PHACTR2: variants seen among roughly 807,000 people sequenced by gnomAD.
The protein encoded by PHACTR2 is phosphatase and actin regulator 2.
Under a neutral mutation model 76.0 loss-of-function variants are expected in PHACTR2, and 30 were observed. The observed-to-expected ratio is 0.39, with a 90% CI of 0.30 to 0.54. The LOEUF is 0.54. Among genes scored for constraint, PHACTR2 ranks in the 20% least tolerant of loss-of-function variants. PHACTR2 has a pLI of 0.61. For missense variants in PHACTR2, 696 were observed against 781.1 expected (o/e 0.89, Z 1.30); for synonymous variants, 292 against 292.5 (o/e 1.00, Z 0.02).
At chr6:143,606,786 A>T (rs532231134), upstream of PHACTR2, among the ~76,000 whole-genome samples, 43 of 152,276 alleles carry the variant, frequency 2.8e-4, 3 homozygotes, top group South Asian at 8.9e-3. Flanking sequence ...CAAATTTTTT[A>T]AAAATATATA....
chr6:143,827,184 ATATATATATATAT>A lies in PHACTR2; in HGVS notation c.*3496_*3508del, dbSNP rs1464561807. ...TATATATATATATATATATATATAT[ATATATATATATAT>A]ATGTATATTATATATACAGTAGCTT... On this transcript the variant is annotated 3_prime_UTR_variant, in exon 13 of 13. Transcript: ENST00000440869. 7.8e-6 allele frequency: 1 copy of A among 128,826 alleles called. No homozygotes were observed. The highest frequency in any genetic ancestry group is 1.6e-5 in the Non-Finnish European group (1 of 61,102). 8.0% of individuals were successfully genotyped at this position (128,826 alleles called of 1,614,324 possible). A position where few individuals can be genotyped will look rare whatever the true frequency, so the allele number is the denominator to read the frequency against.
At chr6:143,702,728 G>C (rs1017205734) in intron 1 of PHACTR2, among the ~76,000 whole-genome samples, 5 of 143,562 alleles carry the variant, frequency 3.5e-5, no homozygotes, top group African/African-American at 1.0e-4. Context: ...ACATTGCTCA[G>C]AACTACTGAG....
At position 143,548,562 on chromosome 6, in the gene PHACTR2, T is replaced by TAGCC. The variant is rs1194010253; in HGVS notation, c.217+11357_217+11360dup. Reference sequence around the variant, plus strand: ...ATTCCACACACCAGCCTGGGCCAGGTAGCCATTCCTGACACCAGCTATATC... The same window carrying TAGCC: ...ATTCCACACACCAGCCTGGGCCAGGTAGCCAGCCATTCCTGACACCAGCTATATC... On this transcript the variant is annotated intron_variant, in intron 1 of 11. Transcript: ENST00000367584. This position sits in a 1 kb window ranked among gnomAD's most constrained non-coding sequence, Gnocchi z 4.5. Among the ~76,000 whole-genome samples, 2 of 152,020 alleles carry TAGCC rather than the reference T, an allele frequency of 1.3e-5. No homozygotes were observed. Among genetic ancestry groups the TAGCC allele is most frequent in the African/African-American group, 4.8e-5 (2 of 41,402 alleles).
chr6:143,769,896 G>T (rs1022715205), intron 6 of PHACTR2, among the ~76,000 whole-genome samples: 1 of 152,122 alleles, frequency 6.6e-6, no homozygotes, highest in African/African-American at 2.4e-5. Flanking sequence ...TATAAAAATA[G>T]ATCTTCTCTT....
rs115175990 is a variant in PHACTR2 at position 143,781,769 on chromosome 6, T to C, written c.1646-1450T>C. Among the ~76,000 whole-genome samples the C allele has an allele frequency of 2.4e-3, 360 of 152,328 alleles. 2 individuals carry two copies. The highest frequency in any genetic ancestry group is 8.4e-3 in the African/African-American group (349 of 41,576). On this transcript the variant is annotated intron_variant, in intron 9 of 12. Coordinates refer to ENST00000440869, the MANE Select transcript of PHACTR2 (RefSeq NM_001100164.2). ...AAGGATATATATTTTGTGAAGCAAT[T>C]AAAACCCTAGAGTACTTTCATAGGA...
At chr6:143,810,216 G>A (rs1156263555) in intron 12 of PHACTR2, among the ~76,000 whole-genome samples, 1 of 152,136 alleles carries the variant, frequency 6.6e-6, no homozygotes, top group Non-Finnish European at 1.5e-5. Context: ...CACTATTGAT[G>A]GATGTTTATG....
In PHACTR2 at chr6:143,654,509, T is replaced by A. The variant is rs74679851; in HGVS notation, c.13+46187T>A. ...CACTCAATAGAATATTATTTGCCAA[T>A]TAAAAAAAATAAAGGCTGGATACTG... On this transcript the variant is annotated intron_variant, in intron 1 of 11. Transcript: ENST00000305766. The surrounding 1 kb of genome is among the most constrained non-coding windows in gnomAD (Gnocchi z 4.6). 0.011 allele frequency among the ~76,000 whole-genome samples: 1,729 copies of A among 152,148 alleles called. 40 individuals carry two copies. Among genetic ancestry groups the A allele is most frequent in the African/African-American group, 0.04 (1,640 of 41,510 alleles).
chr6:143,635,062 A>G (rs1482518387), intron 1 of PHACTR2, among the ~76,000 whole-genome samples: 2 of 152,174 alleles, frequency 1.3e-5, no homozygotes, highest in East Asian at 3.8e-4. Context: ...AAATATATTC[A>G]AAAGCATGAC....
At position 143,631,386 on chromosome 6, in the gene PHACTR2, G is replaced by A. The variant is rs567917331; in HGVS notation, c.13+23064G>A. Among the ~76,000 whole-genome samples the A allele has an allele frequency of 2.2e-4, 34 of 152,060 alleles. No individual in the cohort carries two copies. In the East Asian group the frequency reaches 6.0e-3, roughly 27 times the overall value. On this transcript the variant is annotated intron_variant, in intron 1 of 11. Coordinates refer to the PHACTR2 transcript ENST00000305766. Reference sequence around the variant, plus strand: ...AAAAAAAATTTTTTTTAGAGATAGGGTCTCACTGTGCTGCCCAGTCTGGTC... The same window carrying A: ...AAAAAAAATTTTTTTTAGAGATAGGATCTCACTGTGCTGCCCAGTCTGGTC...
chr6:143,651,613 TCA>T (rs1776765612), intron 1 of PHACTR2, among the ~76,000 whole-genome samples: 1 of 152,180 alleles, frequency 6.6e-6, no homozygotes, highest in South Asian at 2.1e-4. Context: ...CCGCATGTTC[TCA>T]CTTATAAGTG....
chr6:143,805,924 T>C (rs990051567), intron 11 of PHACTR2, among the ~76,000 whole-genome samples: 4 of 152,224 alleles, frequency 2.6e-5, no homozygotes, highest in Non-Finnish European at 4.4e-5. Context: ...TTTTTCTGTC[T>C]GTTCCCTTTC....
intron 11 of PHACTR2, among the ~76,000 whole-genome samples, chr6:143,804,180 G>T (rs1776017823): frequency 6.6e-6 from 1 of 152,196 alleles, no homozygotes; most frequent in Non-Finnish European, 1.5e-5. Flanking sequence ...GTGAGATGCT[G>T]GGTTAGATAA....
In PHACTR2 at chr6:143,722,913, G is replaced by A. The variant is rs538038489; in HGVS notation, c.214+10730G>A. On this transcript the variant is annotated intron_variant, in intron 2 of 12. Coordinates refer to ENST00000440869, the MANE Select transcript of PHACTR2 (RefSeq NM_001100164.2). This position sits in a 1 kb window ranked among gnomAD's most constrained non-coding sequence, Gnocchi z 4.1. ...AACATAATGTCCTTCAGTTCCATCCGTGTTGCTACAAATGACAGAATTTTA... is the reference window on the plus strand; with the variant it reads ...AACATAATGTCCTTCAGTTCCATCCATGTTGCTACAAATGACAGAATTTTA... Among the ~76,000 whole-genome samples, 3 of 152,216 alleles carry A rather than the reference G, an allele frequency of 2.0e-5. No homozygotes were observed. The highest frequency in any genetic ancestry group is 1.9e-4 in the East Asian group (1 of 5,182).
intron 1 of PHACTR2, among the ~76,000 whole-genome samples, chr6:143,703,713 T>C (rs934043523): frequency 2.0e-5 from 3 of 152,226 alleles, no homozygotes; most frequent in East Asian, 3.8e-4. Flanking sequence ...TTAATGCCGA[T>C]TATTTTTAAA....
intron 6 of PHACTR2, among the ~76,000 whole-genome samples, chr6:143,771,377 C>A (rs1775137025): frequency 6.8e-6 from 1 of 147,468 alleles, no homozygotes; most frequent in East Asian, 2.0e-4. Context: ...CAGGCAAGCG[C>A]CACCATGCCC....
Position 143,548,078 on chromosome 6 carries a change from C to A in PHACTR2, c.217+10871C>A, listed in dbSNP as rs1177176457. Among the ~76,000 whole-genome samples the A allele has an allele frequency of 6.6e-6, 1 of 152,140 alleles. No homozygotes were observed. Among genetic ancestry groups the A allele is most frequent in the Admixed American group, 6.5e-5 (1 of 15,272 alleles). ...AGTTTATTTCTCTTATTATGTCTCA[C>A]AGTTCTGGAGGCTGGAAGTTCAAGA... On this transcript the variant is annotated intron_variant, in intron 1 of 11. Coordinates refer to the PHACTR2 transcript ENST00000367584. This position sits in a 1 kb window ranked among gnomAD's most constrained non-coding sequence, Gnocchi z 4.5.
rs748455217 is a variant in PHACTR2 at position 143,648,127 on chromosome 6, G to T, written c.13+39805G>T. On this transcript the variant is annotated intron_variant, in intron 1 of 11. Coordinates refer to the PHACTR2 transcript ENST00000305766. The surrounding 1 kb of genome is among the most constrained non-coding windows in gnomAD (Gnocchi z 6.7). ...GAGAATTCAGGGGATTTATCATCTC[G>T]TTGGTGGCAGGAACAAAACTCATAG... 6.6e-6 allele frequency among the ~76,000 whole-genome samples: 1 copy of T among 152,146 alleles called. No individual in the cohort carries two copies. Among genetic ancestry groups the T allele is most frequent in the Non-Finnish European group, 1.5e-5 (1 of 68,034 alleles).
At position 143,627,733 on chromosome 6, in the gene PHACTR2, C is replaced by T. The variant is rs1381635570; in HGVS notation, c.13+19411C>T. 6.6e-6 allele frequency among the ~76,000 whole-genome samples: 1 copy of T among 152,024 alleles called. No homozygotes were observed. Among genetic ancestry groups the T allele is most frequent in the Non-Finnish European group, 1.5e-5 (1 of 68,016 alleles). On this transcript the variant is annotated intron_variant, in intron 1 of 11. Coordinates refer to the PHACTR2 transcript ENST00000305766. This position sits in a 1 kb window ranked among gnomAD's most constrained non-coding sequence, Gnocchi z 4.3. ...TCTCCTGCCTCAGCCTCTCTAGTAG[C>T]TGGGACTACAGGCTCGTACCGCCAC...
In PHACTR2 at chr6:143,780,196, G is replaced by A. The variant is rs555651912; in HGVS notation, c.1645+2813G>A. Among the ~76,000 whole-genome samples the A allele has an allele frequency of 1.5e-4, 23 of 151,948 alleles. No homozygotes were observed. Among genetic ancestry groups the A allele is most frequent in the African/African-American group, 3.1e-4 (13 of 41,372 alleles). ...GTTGGAGGAATTTTACAGTAAATCCGCATATATCTACCATCTATAGTCTGT... is the reference window on the plus strand; with the variant it reads ...GTTGGAGGAATTTTACAGTAAATCCACATATATCTACCATCTATAGTCTGT... On this transcript the variant is annotated intron_variant, in intron 9 of 12. Transcript: ENST00000440869. This position sits in a 1 kb window ranked among gnomAD's most constrained non-coding sequence, Gnocchi z 4.4.
Sources: allele counts gnomAD v4.1 joint callset (sites outside exome capture counted in the v4.1 genomes callset), GRCh38; gene constraint gnomAD v4.1.1; non-coding constraint Gnocchi (gnomAD v3.1); transcripts MANE v1.5; gene names NCBI Gene and HGNC (gene_info 2026-07-23, HGNC 2026-07-21).